Variants in BPTF observed in about 807,000 individuals in gnomAD.
BPTF encodes nucleosome-remodeling factor subunit BPTF.
A neutral mutation model predicts 292.5 loss-of-function variants in BPTF; 18 were observed. The ratio of observed to expected loss-of-function variants is 0.06; its 90% CI spans 0.04 to 0.09. The LOEUF (loss-of-function observed/expected upper bound fraction) is 0.09, where lower values mean the gene tolerates loss of function less well. Among genes scored for constraint, BPTF ranks in the 10% least tolerant of loss-of-function variants. BPTF has a pLI of 1.00. For missense variants in BPTF, 2,726 were observed against 3,498.7 expected (o/e 0.78, Z 5.57); for synonymous variants, 1,225 against 1,251.9 (o/e 0.98, Z 0.45).
At position 67,891,875 on chromosome 17, in the gene BPTF, G is replaced by T. The variant is rs576607155; in HGVS notation, c.1896G>T (p.Gly632=). Reference sequence around the variant, plus strand: ...ATTTCAAATCGGAGAAGTCCAACGGGGAGCTAAGTGAATCTCCTGGAGCTG... The same window carrying T: ...ATTTCAAATCGGAGAAGTCCAACGGTGAGCTAAGTGAATCTCCTGGAGCTG... The part of the protein sequence containing the change: ...VGDFKSEKSN[G]ELSESPGAGK... The change falls in exon 5 of 28, where the codon GGG becomes GGT. Residue 632 remains glycine (G), a synonymous_variant. Transcript: ENST00000306378. 2.8e-5 allele frequency: 45 copies of T among 1,606,770 alleles called. No individual in the cohort carries two copies. The Admixed American group carries it at 3.6e-4, about 13-fold the overall frequency.
chr17:67,949,833 G>A (rs1262569288), intron 23 of BPTF, among the ~76,000 whole-genome samples: 1 of 150,234 alleles, frequency 6.7e-6, no homozygotes, highest in Non-Finnish European at 1.5e-5. Flanking sequence ...CGAGGCAGGT[G>A]GATCACCTGA....
chr17:67,873,182 G>A (rs935198663), intron 3 of BPTF, among the ~76,000 whole-genome samples: 2 of 152,150 alleles, frequency 1.3e-5, no homozygotes, highest in Admixed American at 6.5e-5. Flanking sequence ...TTATGGCCCG[G>A]TGCAGTGGCT....
In BPTF at chr17:67,982,238, T is replaced by C; in HGVS notation, c.8727-14T>C. The C allele has an allele frequency of 1.2e-6, 2 of 1,608,860 alleles. No individual in the cohort carries two copies. Among genetic ancestry groups the C allele is most frequent in the Non-Finnish European group, 1.7e-6 (2 of 1,176,116 alleles). On this transcript the variant is annotated splice_polypyrimidine_tract_variant and intron_variant, in intron 27 of 27. Transcript: ENST00000306378. ...AAGGGTGCTTAATTGTTCCCTTTTT[T>C]CTATATTCTGTAGGTCTCATAACAA...
At chr17:67,917,455 A>G (rs1171897622) in intron 11 of BPTF, among the ~76,000 whole-genome samples, 2 of 152,054 alleles carry the variant, frequency 1.3e-5, no homozygotes, top group African/African-American at 2.4e-5. Context: ...TTTACTATTC[A>G]TTGTAGAATT....
At chr17:67,866,183 T>C (rs141039309) in intron 2 of BPTF, among the ~76,000 whole-genome samples, 1 of 152,306 alleles carries the variant, frequency 6.6e-6, no homozygotes, top group East Asian at 1.9e-4. Context: ...TATTGTTACA[T>C]TGATGATCTT....
intron 4 of BPTF, 74 bp downstream of exon 4, chr17:67,875,094 A>G (rs1005419213): frequency 1.1e-5 from 14 of 1,314,470 alleles, no homozygotes; most frequent in Non-Finnish European, 1.5e-5. Flanking sequence ...TACTTGCAAA[A>G]TGAAAGTGAA....
chr17:67,878,113 G>T (rs149475528), intron 4 of BPTF, among the ~76,000 whole-genome samples: 11 of 152,176 alleles, frequency 7.2e-5, no homozygotes, highest in African/African-American at 2.6e-4. Flanking sequence ...TGATTGGTTT[G>T]CCTTTTTTAA....
intron 4 of BPTF, among the ~76,000 whole-genome samples, chr17:67,880,960 C>CACAA (rs2060362712): frequency 1.4e-5 from 1 of 72,266 alleles, no homozygotes; most frequent in African/African-American, 3.5e-5. Flanking sequence ...TATATATATA[C>CACAA]ACACACACAC....
rs2059389023 is a variant in BPTF, at chr17:67,866,328, T to C, written c.1437-136T>C. ...GAGTAAATCAAGTTTGAGTGAGACC[T>C]GCAGGGTTTTCTTGTGAGCGCCTAT... is the stretch of plus-strand genomic sequence containing the variant. On this transcript the variant is annotated intron_variant, in intron 2 of 27. Coordinates refer to ENST00000306378, the MANE Select transcript of BPTF (RefSeq NM_182641.4). The C allele has an allele frequency of 1.0e-5, 7 of 675,454 alleles. No individual in the cohort carries two copies. The South Asian group carries it at 1.3e-4, about 12-fold the overall frequency. 41.8% of individuals were successfully genotyped at this position (675,454 alleles called of 1,614,324 possible).
chr17:67,853,539 T>C (rs928784808), intron 1 of BPTF, among the ~76,000 whole-genome samples: 1 of 152,184 alleles, frequency 6.6e-6, no homozygotes, highest in Non-Finnish European at 1.5e-5. Context: ...GTGTATCTTA[T>C]GTGTAAATGT....
intron 7 of BPTF, among the ~76,000 whole-genome samples, chr17:67,896,180 T>C (rs949835868): frequency 2.3e-4 from 35 of 152,188 alleles, no homozygotes; most frequent in Admixed American, 2.2e-3. Flanking sequence ...GCCAGGATGG[T>C]CTCCATCTCC....
At chr17:67,970,574 G>A (rs7222835) in intron 26 of BPTF, among the ~76,000 whole-genome samples, 224 of 152,242 alleles carry the variant, frequency 1.5e-3, no homozygotes, top group African/African-American at 5.2e-3. Context: ...TATTTTCTAA[G>A]AGTACCTAAA....
chr17:67,894,815 G>A (rs1005065393), intron 7 of BPTF, among the ~76,000 whole-genome samples: 1 of 152,284 alleles, frequency 6.6e-6, no homozygotes, highest in South Asian at 2.1e-4. Flanking sequence ...TGTTTTTAAA[G>A]TTCATTGTCC....
intron 4 of BPTF, chr17:67,891,411 C>T (rs1402209224): frequency 6.5e-6 from 1 of 152,830 alleles, no homozygotes; most frequent in Non-Finnish European, 1.5e-5. Context: ...TTTATAAGCT[C>T]AAAACTATTT....
chr17:67,880,026 A>C (rs1027508464), intron 4 of BPTF, among the ~76,000 whole-genome samples: 2 of 152,174 alleles, frequency 1.3e-5, no homozygotes, highest in African/African-American at 4.8e-5. Flanking sequence ...TTGTTTTCTT[A>C]GGTTCATTTT....
At chr17:67,972,966 T>C (rs1343440997) in intron 26 of BPTF, among the ~76,000 whole-genome samples, 1 of 150,564 alleles carries the variant, frequency 6.6e-6, no homozygotes, top group Non-Finnish European at 1.5e-5. Flanking sequence ...TTACACATTT[T>C]TTTTCTTTAA....
chr17:67,971,726 C>T (rs1184697635), intron 26 of BPTF, among the ~76,000 whole-genome samples: 1 of 151,452 alleles, frequency 6.6e-6, no homozygotes, highest in Non-Finnish European at 1.5e-5. Context: ...ATTGCTTGAA[C>T]CCAAGAGGCA....
intron 3 of BPTF, 119 bp downstream of exon 3, chr17:67,866,806 T>C (rs1159750883): frequency 1.4e-6 from 1 of 703,728 alleles, no homozygotes; most frequent in Non-Finnish European, 2.4e-6. Flanking sequence ...CATTGCTTAA[T>C]GATGGGGATA....
At chr17:67,901,253 T>C (rs1267800381) in intron 7 of BPTF, among the ~76,000 whole-genome samples, 2 of 151,466 alleles carry the variant, frequency 1.3e-5, no homozygotes, top group South Asian at 2.1e-4. Context: ...TGGGAAGATA[T>C]CACTTAGATC....
Sources: gnomAD v4.1 joint callset for allele counts (sites outside exome capture counted in the v4.1 genomes callset) on GRCh38, gnomAD v4.1.1 for gene constraint, MANE v1.5 for transcripts, NCBI Gene and HGNC (gene_info 2026-07-23, HGNC 2026-07-21) for gene names.